FBXW4: variants seen among roughly 807,000 people sequenced by gnomAD.
FBXW4 encodes F-box/WD repeat-containing protein 4.
A neutral mutation model predicts 61.8 loss-of-function variants in FBXW4; 40 were observed. That is an observed-to-expected ratio of 0.65 (90% CI 0.50 to 0.84). The LOEUF is 0.84. FBXW4 is among the 40% of genes least tolerant of loss of function. The pLI, the probability that FBXW4 is intolerant of heterozygous loss-of-function variation, is 0.00. For synonymous variants in FBXW4, 311 were observed against 313.8 expected, an observed-to-expected ratio of 0.99 and a Z score of 0.10; for missense variants, 672 against 753.8, an observed-to-expected ratio of 0.89 and a Z score of 1.27.
chr10:101,618,847 T>G (rs2063845586), intron 6 of FBXW4, among the ~76,000 whole-genome samples: 1 of 151,838 alleles, frequency 6.6e-6, no homozygotes, highest in Non-Finnish European at 1.5e-5. Context: ...CTGTGCCCTG[T>G]GCTCAGGGCA....
At chr10:101,644,062 G>A (rs548672881) in intron 5 of FBXW4, among the ~76,000 whole-genome samples, 15 of 152,314 alleles carry the variant, frequency 9.8e-5, no homozygotes, top group Non-Finnish European at 2.2e-4. Context: ...CTCCCCACAG[G>A]GGGCCTTTGT....
At chr10:101,649,904 A>G (rs2064132222) in intron 5 of FBXW4, among the ~76,000 whole-genome samples, 1 of 152,240 alleles carries the variant, frequency 6.6e-6, no homozygotes, top group South Asian at 2.1e-4. Context: ...CCAGAGCTAC[A>G]GCCTGGCCAT....
At chr10:101,624,849 T>A in intron 5 of FBXW4, 39 bp from the exon 6 acceptor site, 1 of 1,606,508 alleles carries the variant, frequency 6.2e-7, no homozygotes, top group Non-Finnish European at 8.5e-7. Context: ...ATCTGGCTTG[T>A]CAGAACCTGT....
chr10:101,679,190 T>G (rs1226995107), intron 1 of FBXW4, among the ~76,000 whole-genome samples: 1 of 152,274 alleles, frequency 6.6e-6, no homozygotes, highest in African/African-American at 2.4e-5. Context: ...CCTCAAGCAA[T>G]CCTCCTGCAT....
Position 101,612,448 on chromosome 10 carries a change from TCAC to T in FBXW4, c.1328_1330del (p.Ser443_Asp444delinsAsn). The T allele has an allele frequency of 6.3e-7, 1 of 1,590,658 alleles. No individual in the cohort carries two copies. ...CAGCACCCCAGCCCCTGGGGGAAAG[TCAC>T]TGCCCAAGTGTGTCATCAGCTGCCC... On this transcript the variant is annotated inframe_deletion, in exon 7 of 9. Coordinates refer to ENST00000331272, the MANE Select transcript of FBXW4 (RefSeq NM_022039.4).
rs551539482 is a variant in FBXW4 at position 101,615,079 on chromosome 10, G to A, written c.1302-2602C>T. Among the ~76,000 whole-genome samples the A allele has an allele frequency of 7.2e-5, 11 of 152,252 alleles. No individual in the cohort carries two copies. In the South Asian group the frequency reaches 2.3e-3, roughly 32 times the overall value. On this transcript the variant is annotated intron_variant, in intron 6 of 8. Transcript: ENST00000331272. Reference sequence around the variant, plus strand: ...ACTGCAAGTGTGTTCTTATAAAAACGATTAGATTGCAATTTGTATAACGTG... The same window carrying A: ...ACTGCAAGTGTGTTCTTATAAAAACAATTAGATTGCAATTTGTATAACGTG...
chr10:101,631,796 T>G (rs2063960137), intron 5 of FBXW4, among the ~76,000 whole-genome samples: 1 of 151,994 alleles, frequency 6.6e-6, no homozygotes, highest in African/African-American at 2.4e-5. Flanking sequence ...CCTGGCTAAT[T>G]TTTTGTATTT....
chr10:101,683,154 C>A (rs1165465842), intron 1 of FBXW4, among the ~76,000 whole-genome samples: 1 of 152,212 alleles, frequency 6.6e-6, no homozygotes, highest in Non-Finnish European at 1.5e-5. Context: ...AGCAGGTACC[C>A]CTTGGAATTC....
rs530350558 is a variant in FBXW4, at chr10:101,660,118, C to G, written c.1235+7768G>C. 1.4e-4 allele frequency: 134 copies of G among 985,384 alleles called. No individual in the cohort carries two copies. The African/African-American group carries it at 2.2e-3, about 16-fold the overall frequency. The allele number at this position is 985,384 out of a possible 1,614,324, so 61.0% of individuals were successfully genotyped here. On this transcript the variant is annotated intron_variant, in intron 5 of 8. Coordinates refer to ENST00000331272, the MANE Select transcript of FBXW4 (RefSeq NM_022039.4). ...GTCGGAGTCAGATTGAAGTGTGTGT[C>G]CCTTGAAGAGCTGAGAAAGCACAGG...
At chr10:101,674,326 C>CA (rs11431014) in intron 2 of FBXW4, among the ~76,000 whole-genome samples, 98,566 of 139,930 alleles carry the variant, frequency 0.7, 34,364 homozygotes, top group East Asian at 0.94. Flanking sequence ...GAGACTGTCT[C>CA]AAAAAAAAAA....
intron 5 of FBXW4, among the ~76,000 whole-genome samples, chr10:101,637,226 A>G (rs902413524): frequency 1.4e-5 from 2 of 145,846 alleles, no homozygotes; most frequent in African/African-American, 5.1e-5. Context: ...TACTAAAAAT[A>G]CAAAAAAAAA....
At chr10:101,677,109 C>CA (rs2064420098) in intron 1 of FBXW4, among the ~76,000 whole-genome samples, 1 of 152,100 alleles carries the variant, frequency 6.6e-6, no homozygotes, top group Admixed American at 6.5e-5. Context: ...GGTGGGAAAG[C>CA]AAAATGGTAC....
intron 5 of FBXW4, among the ~76,000 whole-genome samples, chr10:101,649,150 C>G (rs2064125459): frequency 6.6e-6 from 1 of 152,146 alleles, no homozygotes. Context: ...ATGCTGAACT[C>G]CAATTAGTAA....
chr10:101,611,375 A>G lies in FBXW4; in HGVS notation c.1620T>C (p.Pro540=), dbSNP rs368185192. 1.4e-5 allele frequency: 22 copies of G among 1,613,944 alleles called. No individual in the cohort carries two copies. The highest frequency in any genetic ancestry group is 1.9e-5 in the Non-Finnish European group (22 of 1,179,974). Residue 540 remains proline, a synonymous_variant, in exon 9 of 9, where the codon CCT becomes CCC. Transcript: ENST00000331272. The surrounding 1 kb of genome is among the most constrained non-coding windows in gnomAD (Gnocchi z 4.9). ...TGGTGGTGAGACGCAGGCAGTACAC[A>G]GGGCTGCTGAGGGGAGTCGACGTCA... ...FPLTSTPLSS[P]VYCLRLTTKH... is the part of the protein sequence containing the mutation.
At chr10:101,641,281 T>A (rs974253923) in intron 5 of FBXW4, among the ~76,000 whole-genome samples, 1 of 152,212 alleles carries the variant, frequency 6.6e-6, no homozygotes, top group Non-Finnish European at 1.5e-5. Flanking sequence ...AAAGCATGCA[T>A]AAAATAATTA....
intron 5 of FBXW4, among the ~76,000 whole-genome samples, chr10:101,654,900 T>C (rs2064173342): frequency 6.6e-6 from 1 of 152,246 alleles, no homozygotes; most frequent in Admixed American, 6.5e-5. Flanking sequence ...CTCAGCTGAC[T>C]GCAGCCTCAA....
At chr10:101,664,348 C>T (rs1038751011) in intron 5 of FBXW4, among the ~76,000 whole-genome samples, 3 of 152,184 alleles carry the variant, frequency 2.0e-5, no homozygotes, top group African/African-American at 7.2e-5. Context: ...TGCTAGGTCT[C>T]CTAACTGTCC....
chr10:101,674,031 G>A (rs972738018), intron 2 of FBXW4, among the ~76,000 whole-genome samples: 4 of 152,092 alleles, frequency 2.6e-5, no homozygotes, highest in African/African-American at 7.2e-5. Context: ...GGTGAGAAGG[G>A]TCAAAAAGAA....
intron 5 of FBXW4, among the ~76,000 whole-genome samples, chr10:101,641,924 T>A (rs2064057010): frequency 6.6e-6 from 1 of 151,868 alleles, no homozygotes; most frequent in Non-Finnish European, 1.5e-5. Flanking sequence ...CTCAGCACTT[T>A]GGGAGGCTGA....
Sources: allele counts gnomAD v4.1 joint callset (sites outside exome capture counted in the v4.1 genomes callset), GRCh38; gene constraint gnomAD v4.1.1; non-coding constraint Gnocchi (gnomAD v3.1); transcripts MANE v1.5; gene names NCBI Gene and HGNC (gene_info 2026-07-23, HGNC 2026-07-21).